RIMBP2: variants seen among roughly 807,000 people sequenced by gnomAD.
RIMBP2 encodes the protein RIMS binding protein 2, also known as RIMS-binding protein 2.
Under a neutral mutation model 118.6 loss-of-function variants are expected in RIMBP2, and 48 were observed. That is an observed-to-expected ratio of 0.40 (90% CI 0.32 to 0.51). The LOEUF is 0.51. Ranked by LOEUF, RIMBP2 falls within the 20% of genes least tolerant of loss-of-function variation. The probability of loss-of-function intolerance (pLI) is 0.41; values close to 1 mark genes in which losing one functional copy is unlikely to be tolerated. For missense variants in RIMBP2, 1,551 were observed against 1,768.3 expected (o/e 0.88, Z 2.20); for synonymous variants, 762 against 742.9 (o/e 1.03, Z -0.42).
intron 1 of RIMBP2, among the ~76,000 whole-genome samples, chr12:130,630,498 TAG>T (rs1242123930): frequency 6.6e-6 from 1 of 152,132 alleles, no homozygotes; most frequent in African/African-American, 2.4e-5. Context: ...TCTATTTTGT[TAG>T]AGTTTTTAAA....
chr12:130,531,299 AT>A, intron 2 of RIMBP2, among the ~76,000 whole-genome samples: 1 of 152,344 alleles, frequency 6.6e-6, no homozygotes, highest in Non-Finnish European at 1.5e-5. Context: ...GAAGTAGGAC[AT>A]TCGCTGCCAC....
intron 2 of RIMBP2, among the ~76,000 whole-genome samples, chr12:130,615,268 T>TAC (rs1262989344): frequency 6.6e-5 from 4 of 60,400 alleles, no homozygotes; most frequent in Non-Finnish European, 1.0e-4. Flanking sequence ...ATATACATAA[T>TAC]ACACATACAT....
At chr12:130,676,301 C>G (rs962594874) in intron 1 of RIMBP2, among the ~76,000 whole-genome samples, 10 of 145,912 alleles carry the variant, frequency 6.9e-5, no homozygotes, top group Non-Finnish European at 4.5e-5. Context: ...TCCAAATGTC[C>G]CTCAGTGGAG....
chr12:130,410,445 T>C (rs913323790), intron 19 of RIMBP2, among the ~76,000 whole-genome samples: 3 of 152,200 alleles, frequency 2.0e-5, no homozygotes, highest in African/African-American at 7.2e-5. Flanking sequence ...CGTTGCCTGA[T>C]TATTATAAAG....
chr12:130,687,695 A>C (rs1291459295), intron 1 of RIMBP2, among the ~76,000 whole-genome samples: 2 of 152,226 alleles, frequency 1.3e-5, no homozygotes, highest in South Asian at 2.1e-4. Context: ...CTTAAAAATT[A>C]AGAAACTCCC....
At chr12:130,678,900 T>G (rs1418236271) in intron 1 of RIMBP2, among the ~76,000 whole-genome samples, 2 of 152,084 alleles carry the variant, frequency 1.3e-5, no homozygotes, top group African/African-American at 4.8e-5. Context: ...CAGCGGGGGC[T>G]TGGAGTGGGG....
At chr12:130,464,927 C>T (rs1023781990) in intron 6 of RIMBP2, 1 of 152,226 alleles carries the variant, frequency 6.6e-6, no homozygotes, top group African/African-American at 2.4e-5. Context: ...CTTCAGGGGC[C>T]CACAGACATG....
chr12:130,507,980 GTTAT>G (rs1409235539), intron 3 of RIMBP2, among the ~76,000 whole-genome samples: 1 of 152,172 alleles, frequency 6.6e-6, no homozygotes, highest in Non-Finnish European at 1.5e-5. Context: ...CAGGAAAGCT[GTTAT>G]TAAGAGGTCG....
chr12:130,613,184 G>C (rs1283478778), intron 2 of RIMBP2, among the ~76,000 whole-genome samples: 1 of 152,260 alleles, frequency 6.6e-6, no homozygotes, highest in Non-Finnish European at 1.5e-5. Flanking sequence ...GTAATGAGGG[G>C]ATGGGACGGA....
chr12:130,670,226 C>T lies in RIMBP2; in HGVS notation c.-351-41770G>A, dbSNP rs1328476203. 1.3e-5 allele frequency among the ~76,000 whole-genome samples: 2 copies of T among 151,974 alleles called. No homozygotes were observed. Among genetic ancestry groups the T allele is most frequent in the Non-Finnish European group, 2.9e-5 (2 of 68,002 alleles). ...AGCTCTGGGAGGGAGCACAGCCCCG[C>T]CGACACCATGATCCCGGCCCCAGGA... On this transcript the variant is annotated intron_variant, in intron 1 of 22. Transcript: ENST00000690449. The surrounding 1 kb of genome is among the most constrained non-coding windows in gnomAD (Gnocchi z 4.9).
intron 2 of RIMBP2, among the ~76,000 whole-genome samples, chr12:130,613,475 G>C (rs1002149911): frequency 2.0e-5 from 3 of 152,170 alleles, no homozygotes; most frequent in Admixed American, 2.0e-4. Flanking sequence ...GTGGATCTGG[G>C]AGGCAAGCAG....
chr12:130,626,732 G>A (rs12321265), intron 2 of RIMBP2, among the ~76,000 whole-genome samples: 85,930 of 150,136 alleles, frequency 0.57, 26,356 homozygotes, highest in Non-Finnish European at 0.66. Context: ...CACAACTACC[G>A]CCGGCATCAT....
intron 2 of RIMBP2, among the ~76,000 whole-genome samples, chr12:130,536,885 T>A (rs1566220762): frequency 6.6e-6 from 1 of 152,116 alleles, no homozygotes; most frequent in African/African-American, 2.4e-5. Flanking sequence ...TGATATGGCA[T>A]GATGGGGAGG....
At position 130,670,826 on chromosome 12, in the gene RIMBP2, T is replaced by G. The variant is rs1214325528; in HGVS notation, c.-351-42370A>C. ...TCCCTCTCTGTTGCCCAGGCTGGAG[T>G]GCAGTGGCGCAATCTCAGCTCACTG... On this transcript the variant is annotated intron_variant, in intron 1 of 22. Transcript: ENST00000690449. This position sits in a 1 kb window ranked among gnomAD's most constrained non-coding sequence, Gnocchi z 4.9. 6.6e-6 allele frequency among the ~76,000 whole-genome samples: 1 copy of G among 152,148 alleles called. No homozygotes were observed. The highest frequency in any genetic ancestry group is 1.5e-5 in the Non-Finnish European group (1 of 68,018).
chr12:130,614,187 A>G (rs553589236), intron 2 of RIMBP2, among the ~76,000 whole-genome samples: 41 of 152,356 alleles, frequency 2.7e-4, no homozygotes, highest in South Asian at 8.3e-4. Flanking sequence ...GAAGAAATCA[A>G]TGCCATTGTT....
intron 2 of RIMBP2, among the ~76,000 whole-genome samples, chr12:130,587,829 T>C (rs989457940): frequency 8.2e-6 from 1 of 121,382 alleles, no homozygotes; most frequent in East Asian, 2.3e-4. Context: ...TAAAGTATAA[T>C]AAAAAAAAAA....
intron 21 of RIMBP2, among the ~76,000 whole-genome samples, chr12:130,404,198 A>T (rs78105811): frequency 0.029 from 4,415 of 152,334 alleles, 145 homozygotes; most frequent in African/African-American, 0.062. Flanking sequence ...TTTGTGGGGG[A>T]CATGTACACA....
intron 1 of RIMBP2, among the ~76,000 whole-genome samples, chr12:130,696,553 T>C (rs1408929030): frequency 6.6e-6 from 1 of 152,216 alleles, no homozygotes; most frequent in African/African-American, 2.4e-5. Flanking sequence ...TATGAATTTC[T>C]AGCTAGATAG....
chr12:130,457,222 C>T (rs77888545), intron 6 of RIMBP2, among the ~76,000 whole-genome samples: 1,884 of 152,324 alleles, frequency 0.012, 39 homozygotes, highest in African/African-American at 0.043. Context: ...CCCCCTCGGA[C>T]TGTAGAACCC....
Sources: gnomAD v4.1 joint callset for allele counts (sites outside exome capture counted in the v4.1 genomes callset) on GRCh38, gnomAD v4.1.1 for gene constraint, Gnocchi (gnomAD v3.1) non-coding constraint, MANE v1.5 for transcripts, NCBI Gene and HGNC (gene_info 2026-07-23, HGNC 2026-07-21) for gene names.